The following PDE3B variants were observed in gnomAD, a reference collection of about 807,000 sequenced individuals.
The protein encoded by PDE3B is cGMP-inhibited 3',5'-cyclic phosphodiesterase 3B.
A neutral mutation model predicts 116.8 loss-of-function variants in PDE3B; 66 were observed. The observed-to-expected ratio is 0.56, with a 90% CI of 0.46 to 0.69. PDE3B has a LOEUF of 0.69. Among genes scored for constraint, PDE3B ranks in the 30% least tolerant of loss-of-function variants. The pLI, the probability that PDE3B is intolerant of heterozygous loss-of-function variation, is 0.00. For missense variants in PDE3B, 1,384 were observed against 1,368.1 expected (o/e 1.01, Z -0.18); for synonymous variants, 595 against 533.6 (o/e 1.12, Z -1.59).
intron 2 of PDE3B, among the ~76,000 whole-genome samples, chr11:14,778,120 G>T (rs1489897192): frequency 3.3e-5 from 5 of 152,158 alleles, no homozygotes; most frequent in African/African-American, 4.8e-5. Flanking sequence ...GCTGGGGGAG[G>T]GGTGCCCACC....
intron 1 of PDE3B, among the ~76,000 whole-genome samples, chr11:14,681,910 A>ACT (rs1291829574): frequency 3.3e-5 from 5 of 151,860 alleles, no homozygotes; most frequent in African/African-American, 1.2e-4. Context: ...ATAACTTTTG[A>ACT]CTCCCCCAAA....
At chr11:14,832,920 A>C in intron 10 of PDE3B, 87 bp downstream of exon 10, 1 of 647,998 alleles carries the variant, frequency 1.5e-6, no homozygotes, top group African/African-American at 1.9e-5. Context: ...TGGTCCCTTA[A>C]ACACTTTTAA....
chr11:14,653,815 A>G (rs374210787), intron 1 of PDE3B, among the ~76,000 whole-genome samples: 123 of 152,276 alleles, frequency 8.1e-4, no homozygotes, highest in African/African-American at 2.7e-3. Context: ...CCTGGGCAAC[A>G]TGGCAAAACC....
At chr11:14,759,809 A>T (rs546471186) in intron 1 of PDE3B, among the ~76,000 whole-genome samples, 47 of 152,182 alleles carry the variant, frequency 3.1e-4, no homozygotes, top group African/African-American at 1.1e-3. Flanking sequence ...GGCCTCCCAA[A>T]GTGCTGGGAT....
chr11:14,689,983 G>GGACC (rs1855000178), intron 1 of PDE3B, among the ~76,000 whole-genome samples: 1 of 152,112 alleles, frequency 6.6e-6, no homozygotes, highest in Non-Finnish European at 1.5e-5. Flanking sequence ...ATTTAGTTTG[G>GGACC]GAGGCATGTA....
chr11:14,691,026 A>G (rs1464210421), intron 1 of PDE3B, among the ~76,000 whole-genome samples: 1 of 152,196 alleles, frequency 6.6e-6, no homozygotes, highest in East Asian at 1.9e-4. Flanking sequence ...GGCAATAGCA[A>G]GAGAGGTTAA....
At chr11:14,854,215 C>T (rs1847807293) in intron 12 of PDE3B, among the ~76,000 whole-genome samples, 1 of 152,172 alleles carries the variant, frequency 6.6e-6, no homozygotes, top group Non-Finnish European at 1.5e-5. Flanking sequence ...TCTCCCTGTG[C>T]ATACACACAC....
At chr11:14,772,488 A>G (rs1056285838) in intron 2 of PDE3B, 1 of 152,300 alleles carries the variant, frequency 6.6e-6, no homozygotes, top group Non-Finnish European at 1.5e-5. Context: ...CAGAAGTTAA[A>G]CATCCCATGT....
chr11:14,838,140 C>T (rs938182025), intron 11 of PDE3B, among the ~76,000 whole-genome samples: 7 of 151,776 alleles, frequency 4.6e-5, no homozygotes, highest in South Asian at 4.2e-4. Flanking sequence ...CCACCATGGC[C>T]GGCTAATTTT....
intron 7 of PDE3B, among the ~76,000 whole-genome samples, chr11:14,820,201 T>C (rs1859476122): frequency 6.7e-6 from 1 of 150,240 alleles, no homozygotes; most frequent in Non-Finnish European, 1.5e-5. Context: ...TTCCAAAAAA[T>C]AGAAGAGGAG....
At chr11:14,782,747 A>G (rs1259288666) in intron 2 of PDE3B, among the ~76,000 whole-genome samples, 4 of 152,242 alleles carry the variant, frequency 2.6e-5, no homozygotes, top group South Asian at 4.1e-4. Flanking sequence ...AACAAAAGCC[A>G]AAGTTGACAA....
intron 1 of PDE3B, among the ~76,000 whole-genome samples, chr11:14,666,828 T>G (rs1854168921): frequency 6.6e-6 from 1 of 152,250 alleles, no homozygotes; most frequent in Non-Finnish European, 1.5e-5. Flanking sequence ...ACTTTTACAC[T>G]GTTGGTGGGA....
chr11:14,673,066 A>G (rs567009296), intron 1 of PDE3B, among the ~76,000 whole-genome samples: 1 of 152,156 alleles, frequency 6.6e-6, no homozygotes, highest in African/African-American at 2.4e-5. Flanking sequence ...TACAAAAACC[A>G]TGAAACAAGC....
intron 11 of PDE3B, among the ~76,000 whole-genome samples, chr11:14,836,381 A>T (rs1383439534): frequency 6.6e-6 from 1 of 152,102 alleles, no homozygotes; most frequent in Non-Finnish European, 1.5e-5. Context: ...TAGCATTTTA[A>T]CTATGATGTA....
downstream of PDE3B, among the ~76,000 whole-genome samples, chr11:14,872,822 C>T (rs552110941): frequency 9.8e-4 from 149 of 151,826 alleles, 2 homozygotes; most frequent in Non-Finnish European, 1.6e-3. Flanking sequence ...TTTTCATCTG[C>T]ATTTGGTTGC....
At chr11:14,811,017 T>C (rs552916459) in intron 5 of PDE3B, among the ~76,000 whole-genome samples, 7 of 152,092 alleles carry the variant, frequency 4.6e-5, no homozygotes, top group African/African-American at 1.7e-4. Context: ...ATGGGGTTGT[T>C]TGTTTTTTTC....
the PDE3B span, among the ~76,000 whole-genome samples, chr11:14,881,293 A>G: frequency 6.6e-6 from 1 of 152,096 alleles, no homozygotes; most frequent in South Asian, 2.1e-4. Flanking sequence ...AGCTGTCAAT[A>G]TAGTCGAAAT....
At chr11:14,677,948 A>G in intron 1 of PDE3B, among the ~76,000 whole-genome samples, 1 of 152,258 alleles carries the variant, frequency 6.6e-6, no homozygotes, top group East Asian at 1.9e-4. Flanking sequence ...TTGGGGGGAC[A>G]GAGTTTTGGT....
chr11:14,897,298 C>A, the PDE3B span, among the ~76,000 whole-genome samples: 11 of 152,244 alleles, frequency 7.2e-5, no homozygotes, highest in Non-Finnish European at 1.0e-4. Context: ...AGCCCTAATA[C>A]CCTGATGATG....
Sources: gnomAD v4.1 joint callset for allele counts (sites outside exome capture counted in the v4.1 genomes callset) on GRCh38, gnomAD v4.1.1 for gene constraint, MANE v1.5 for transcripts, NCBI Gene and HGNC (gene_info 2026-07-23, HGNC 2026-07-21) for gene names.